The following UNC5C variants were observed in gnomAD, a reference collection of about 807,000 sequenced individuals.
UNC5C encodes unc-5 netrin receptor C.
Under a neutral mutation model 99.8 loss-of-function variants are expected in UNC5C, and 47 were observed. The ratio of observed to expected loss-of-function variants is 0.47; its 90% CI spans 0.37 to 0.60. The LOEUF is 0.60. UNC5C is among the 20% of genes least tolerant of loss of function. The probability of loss-of-function intolerance (pLI) is 0.00; values close to 1 mark genes in which losing one functional copy is unlikely to be tolerated. For missense variants in UNC5C, 1,062 were observed against 1,165.9 expected, an observed-to-expected ratio of 0.91 and a Z score of 1.30; for synonymous variants, 487 against 452.2, an observed-to-expected ratio of 1.08 and a Z score of -0.98.
intron 12 of UNC5C, among the ~76,000 whole-genome samples, chr4:95,194,821 G>A (rs151149503): frequency 2.4e-4 from 36 of 152,048 alleles, no homozygotes; most frequent in African/African-American, 8.2e-4. Flanking sequence ...TGGGGGCAGG[G>A]GTGTTATTCT....
rs1191045747 is a variant in UNC5C, at chr4:95,163,413, G to C, written c.*5821C>G. On this transcript the variant is annotated 3_prime_UTR_variant, in exon 16 of 16. Transcript: ENST00000453304. Reference sequence around the variant, plus strand: ...CTGATGCTGCCTCCATAGTGCTCAGGATCAGAGGCCAAAAGAGAGCCCATC... The same window carrying C: ...CTGATGCTGCCTCCATAGTGCTCAGCATCAGAGGCCAAAAGAGAGCCCATC... 1 of 152,164 alleles carries C rather than the reference G, an allele frequency of 6.6e-6. No individual in the cohort carries two copies. The highest frequency in any genetic ancestry group is 2.4e-5 in the African/African-American group (1 of 41,430). 9.4% of individuals were successfully genotyped at this position (152,164 alleles called of 1,614,324 possible).
chr4:95,420,410 T>C (rs1043706187), intron 1 of UNC5C, among the ~76,000 whole-genome samples: 1 of 152,322 alleles, frequency 6.6e-6, no homozygotes, highest in South Asian at 2.1e-4. Context: ...GTCTAGAGAT[T>C]TAACAAATCT....
chr4:95,473,125 A>C (rs1322589085), intron 1 of UNC5C, among the ~76,000 whole-genome samples: 1 of 152,128 alleles, frequency 6.6e-6, no homozygotes, highest in Non-Finnish European at 1.5e-5. Flanking sequence ...ACACTCACCC[A>C]AGGGTAATTC....
intron 11 of UNC5C, among the ~76,000 whole-genome samples, chr4:95,203,479 T>G (rs1737764074): frequency 6.6e-6 from 1 of 152,132 alleles, no homozygotes; most frequent in Non-Finnish European, 1.5e-5. Context: ...TTATTTAATT[T>G]ATTAATTGAA....
chr4:95,301,829 C>A, intron 2 of UNC5C, 80 bp from the exon 3 acceptor site: 4 of 1,507,576 alleles, frequency 2.7e-6, no homozygotes, highest in Admixed American at 2.0e-5. Context: ...ATATTTTTCC[C>A]CCAGTCATCC....
At chr4:95,276,263 ATC>A (rs1221865422) in intron 4 of UNC5C, among the ~76,000 whole-genome samples, 1 of 152,166 alleles carries the variant, frequency 6.6e-6, no homozygotes, top group East Asian at 1.9e-4. Flanking sequence ...TGTATGTTTG[ATC>A]TCTCTTCTGA....
intron 1 of UNC5C, among the ~76,000 whole-genome samples, chr4:95,459,814 T>C (rs774365726): frequency 1.3e-5 from 2 of 152,154 alleles, no homozygotes; most frequent in African/African-American, 4.8e-5. Flanking sequence ...AGAATAGCAC[T>C]CATTTATTAT....
intron 1 of UNC5C, among the ~76,000 whole-genome samples, chr4:95,488,029 T>C (rs1043791237): frequency 2.0e-5 from 3 of 151,742 alleles, no homozygotes; most frequent in African/African-American, 4.8e-5. Flanking sequence ...GGACTAACGA[T>C]AGTGATAACC....
chr4:95,481,113 T>C lies in UNC5C; in HGVS notation c.124+67621A>G, dbSNP rs879709220. Among the ~76,000 whole-genome samples, 1,262 of 151,640 alleles carry C rather than the reference T, an allele frequency of 8.3e-3. 8 individuals carry two copies. The highest frequency in any genetic ancestry group is 0.014 in the South Asian group (67 of 4,786). ...ATGATTGTATATCTAGAAAACCCCA[T>C]TGTCTCAGCCCAAAATCTCCTTAAG... On this transcript the variant is annotated intron_variant, in intron 1 of 15. Transcript: ENST00000453304.
At chr4:95,509,185 C>G (rs72876474) in intron 1 of UNC5C, among the ~76,000 whole-genome samples, 1 of 151,636 alleles carries the variant, frequency 6.6e-6, no homozygotes, top group South Asian at 2.1e-4. Context: ...AACTTTGAAG[C>G]CCAGAGAAAA....
intron 1 of UNC5C, among the ~76,000 whole-genome samples, chr4:95,342,587 A>T (rs1743619086): frequency 6.6e-6 from 1 of 151,808 alleles, no homozygotes; most frequent in African/African-American, 2.4e-5. Flanking sequence ...GACTGAGCAC[A>T]TTCCCAGCTG....
intron 7 of UNC5C, among the ~76,000 whole-genome samples, chr4:95,229,969 G>C (rs10856911): frequency 0.47 from 71,436 of 151,368 alleles, 17,939 homozygotes; most frequent in East Asian, 0.72. Context: ...TGCCACCATG[G>C]CCAACTAATT....
rs574290625 is a variant in UNC5C, at chr4:95,548,015, G to T, written c.124+719C>A. Among the ~76,000 whole-genome samples the T allele has an allele frequency of 2.6e-5, 4 of 152,316 alleles. No homozygotes were observed. The East Asian group carries it at 7.7e-4, about 29-fold the overall frequency. On this transcript the variant is annotated intron_variant, in intron 1 of 15. Coordinates refer to ENST00000453304, the MANE Select transcript of UNC5C (RefSeq NM_003728.4). ...GTTTCGGATTTGGTTTGAACAAGCA[G>T]CCGGTTCCCCCAGAGCTCCGGGATT...
chr4:95,176,653 G>C (rs1736362360), intron 14 of UNC5C, among the ~76,000 whole-genome samples: 1 of 152,228 alleles, frequency 6.6e-6, no homozygotes, highest in Non-Finnish European at 1.5e-5. Flanking sequence ...AAAGCTGTCT[G>C]ACAGGGACAT....
chr4:95,333,637 G>A (rs1394192924), intron 2 of UNC5C, among the ~76,000 whole-genome samples: 3 of 151,736 alleles, frequency 2.0e-5, no homozygotes, highest in South Asian at 2.1e-4. Flanking sequence ...CCAGTTAATG[G>A]GTGCAGCACA....
chr4:95,413,613 C>T (rs889021783), intron 1 of UNC5C, among the ~76,000 whole-genome samples: 2 of 152,188 alleles, frequency 1.3e-5, no homozygotes, highest in African/African-American at 4.8e-5. Flanking sequence ...GGTTTGAAAG[C>T]TACACAGACT....
intron 7 of UNC5C, among the ~76,000 whole-genome samples, chr4:95,232,602 A>T (rs1234931043): frequency 2.0e-5 from 3 of 152,108 alleles, no homozygotes; most frequent in Non-Finnish European, 2.9e-5. Flanking sequence ...ATCCCCTCAG[A>T]GGTCCCTTTC....
intron 1 of UNC5C, among the ~76,000 whole-genome samples, chr4:95,378,911 T>C (rs1330499379): frequency 1.3e-5 from 2 of 152,168 alleles, no homozygotes; most frequent in Non-Finnish European, 2.9e-5. Flanking sequence ...GCTTGGAAAC[T>C]TGAGCTAACA....
intron 1 of UNC5C, among the ~76,000 whole-genome samples, chr4:95,532,097 C>T (rs893922814): frequency 2.0e-5 from 3 of 152,188 alleles, no homozygotes; most frequent in Non-Finnish European, 4.4e-5. Context: ...GCTCTTAATG[C>T]TTACACATCA....
Sources: allele counts gnomAD v4.1 joint callset (sites outside exome capture counted in the v4.1 genomes callset), GRCh38; gene constraint gnomAD v4.1.1; transcripts MANE v1.5; gene names NCBI Gene and HGNC (gene_info 2026-07-23, HGNC 2026-07-21).